Variants in SMPD4 observed in about 807,000 individuals in gnomAD.
The protein encoded by SMPD4 is neutral sphingomyelinase 3.
SMPD4 carries 58 observed loss-of-function variants against 97.8 expected under a neutral mutation model. The observed-to-expected ratio is 0.59, with a 90% CI of 0.48 to 0.74. SMPD4 has a LOEUF of 0.74. Among genes scored for constraint, SMPD4 ranks in the 30% least tolerant of loss-of-function variants. The pLI, the probability that SMPD4 is intolerant of heterozygous loss-of-function variation, is 0.00. For synonymous variants in SMPD4, 388 were observed against 450.0 expected (o/e 0.86, Z 1.74); for missense variants, 853 against 1,080.5 (o/e 0.79, Z 2.95).
At chr2:130,156,371 C>A in intron 13 of SMPD4, 1 of 662,618 alleles carries the variant, frequency 1.5e-6, no homozygotes, top group Non-Finnish European at 2.6e-6. Flanking sequence ...AGGGTAGGAA[C>A]CTGCCCTGCA....
rs556164642 is a variant in SMPD4 at position 130,161,441 on chromosome 2, G to A, written c.865-169C>T. Among the ~76,000 whole-genome samples the A allele has an allele frequency of 6.6e-5, 10 of 152,274 alleles. No individual in the cohort carries two copies. In the East Asian group the frequency reaches 7.7e-4, roughly 12 times the overall value. ...GGAGAAAAAAACAAAAACAAAGCAC[G>A]GTCAGTGACAATCCAAACAATTGCA... On this transcript the variant is annotated intron_variant, in intron 10 of 19. Coordinates refer to ENST00000680298, the MANE Select transcript of SMPD4 (RefSeq NM_017951.5).
intron 11 of SMPD4, 45 bp from the exon 12 acceptor site, chr2:130,157,441 C>A: frequency 3.7e-6 from 6 of 1,609,580 alleles, no homozygotes; most frequent in Non-Finnish European, 5.1e-6. Flanking sequence ...GAGCGTGGCA[C>A]CCATAGCACT....
intron 1 of SMPD4, 171 bp downstream of exon 1, chr2:130,181,359 G>C: frequency 6.9e-7 from 1 of 1,441,032 alleles, no homozygotes; most frequent in Non-Finnish European, 9.1e-7. Flanking sequence ...CCAGAGGGGT[G>C]GCAGAAGACT....
In SMPD4 at chr2:130,155,099, T is replaced by G. The variant is rs1188614855; in HGVS notation, c.1450A>C (p.Lys484Gln). 1.2e-6 allele frequency: 2 copies of G among 1,614,010 alleles called. No individual in the cohort carries two copies. The highest frequency in any genetic ancestry group is 1.7e-6 in the Non-Finnish European group (2 of 1,180,036). The change falls in exon 15 of 20, where the codon AAA (lysine) becomes CAA (glutamine). Residue 484 changes from lysine (K) to glutamine (Q), a missense_variant. Physicochemically the swap from Lys to Gln is moderately conservative, Grantham distance 53. Coordinates refer to ENST00000680298, the MANE Select transcript of SMPD4 (RefSeq NM_017951.5). ...CTGGCCCAGGCTGAGGACTTACCTT[T>G]CTGAATCATCTCAGCCAGGTTGGGC... ...AQPNLAEMIQKGEQLFLEPEL... is the reference protein window; with the variant it reads ...AQPNLAEMIQQGEQLFLEPEL...
intron 8 of SMPD4, 113 bp from the exon 9 acceptor site, chr2:130,167,703 C>T: frequency 1.7e-6 from 2 of 1,197,560 alleles, no homozygotes; most frequent in Non-Finnish European, 2.3e-6. Flanking sequence ...CAGATTACAA[C>T]TTGTTCAATA....
chr2:130,157,238 A>G lies in SMPD4; in HGVS notation c.1097+13T>C. ...GGAGACGGCAGTGGTGGGAAGCCGC[A>G]AGGGCCACCCACCGTTTGAACTCCT... is the stretch of plus-strand genomic sequence containing the variant. On this transcript the variant is annotated intron_variant, in intron 12 of 19. Coordinates refer to ENST00000680298, the MANE Select transcript of SMPD4 (RefSeq NM_017951.5). 3.2e-6 allele frequency: 5 copies of G among 1,547,806 alleles called. No homozygotes were observed. Among genetic ancestry groups the G allele is most frequent in the Non-Finnish European group, 4.4e-6 (5 of 1,145,062 alleles).
rs1686484692 is a variant in SMPD4, at chr2:130,153,884, T to C, written c.1711A>G (p.Ile571Val). 2 of 1,613,820 alleles carry C rather than the reference T, an allele frequency of 1.2e-6. No individual in the cohort carries two copies. The highest frequency in any genetic ancestry group is 1.7e-6 in the Non-Finnish European group (2 of 1,179,862). Residue 571 changes from isoleucine (I) to valine (V), a missense_variant, in exon 17 of 20, where the codon ATC (isoleucine) becomes GTC (valine). Coordinates refer to ENST00000680298, the MANE Select transcript of SMPD4 (RefSeq NM_017951.5). Reference protein sequence around the residue: ...ITQAKHTAKSISDQCAESPAG... With the variant: ...ITQAKHTAKSVSDQCAESPAG... ...GGGCTCTCCGCACACTGGTCGGAGA[T>C]GGACTTGGCTGTGTGTTTGGCCTGT...
Position 130,156,636 on chromosome 2 carries a change from G to C in SMPD4, c.1137C>G (p.Leu379=), listed in dbSNP as rs746530060. ...VPRFVQQKLY[L]FLQHCFGHWP... ...AGTGGCCAAAGCAATGCTGCAAGAA[G>C]AGGTAGAGTTTCTGCTGGACGAACC... The change falls in exon 13 of 20, where the codon CTC becomes CTG. Residue 379 remains leucine, a synonymous_variant. Coordinates refer to ENST00000680298, the MANE Select transcript of SMPD4 (RefSeq NM_017951.5). 3 of 1,613,974 alleles carry C rather than the reference G, an allele frequency of 1.9e-6. No homozygotes were observed. In the East Asian group the frequency reaches 6.7e-5, roughly 36 times the overall value.
chr2:130,166,427 C>CGGTCCACA (rs1261866998), intron 9 of SMPD4, among the ~76,000 whole-genome samples: 1 of 151,970 alleles, frequency 6.6e-6, no homozygotes, highest in Non-Finnish European at 1.5e-5. Context: ...GCACAGCCTA[C>CGGTCCACA]GGTCCACACA....
At chr2:130,162,658 G>C (rs1480645141) in intron 10 of SMPD4, among the ~76,000 whole-genome samples, 1 of 152,226 alleles carries the variant, frequency 6.6e-6, no homozygotes, top group Non-Finnish European at 1.5e-5. Flanking sequence ...CTCACTTCCT[G>C]CATCTGAAAA....
chr2:130,173,681 CG>C (rs1688695992), intron 3 of SMPD4, 25 bp from the exon 4 acceptor site: 1 of 1,613,470 alleles, frequency 6.2e-7, no homozygotes, highest in East Asian at 2.2e-5. Context: ...GGTGAAGCCG[CG>C]TGCAGGACCA....
rs777309573 is a variant in SMPD4, at chr2:130,173,369, G to C, written c.270-15C>G. The C allele has an allele frequency of 5.6e-6, 9 of 1,610,356 alleles. No homozygotes were observed. Among genetic ancestry groups the C allele is most frequent in the Non-Finnish European group, 7.6e-6 (9 of 1,178,760 alleles). The stretch of plus-strand genomic sequence containing the variant: ...TCATTGGGCCACTGAACACGAAATT[G>C]AACAAACAAACAAAAACAGGGCAAA... On this transcript the variant is annotated splice_polypyrimidine_tract_variant and intron_variant, in intron 4 of 19. Transcript: ENST00000680298.
intron 2 of SMPD4, among the ~76,000 whole-genome samples, chr2:130,176,050 T>C (rs2104915954): frequency 6.6e-6 from 1 of 152,126 alleles, no homozygotes; most frequent in South Asian, 2.1e-4. Flanking sequence ...CTCAAACTCT[T>C]GGGCTCAAGT....
chr2:130,153,987 C>G (rs1686497938), intron 16 of SMPD4, 52 bp from the exon 17 acceptor site: 1 of 1,538,558 alleles, frequency 6.5e-7, no homozygotes, highest in East Asian at 2.4e-5. Flanking sequence ...GTGCTGCCAC[C>G]CAGGCAGCCC....
chr2:130,168,698 G>A (rs985400514), intron 8 of SMPD4, among the ~76,000 whole-genome samples: 1 of 149,876 alleles, frequency 6.7e-6, no homozygotes, highest in African/African-American at 2.5e-5. Flanking sequence ...GTCATGCTAT[G>A]TTGCCCAGGC....
In SMPD4 at chr2:130,178,229, T is replaced by C. The variant is rs374430873; in HGVS notation, c.-45-1592A>G. 2.0e-5 allele frequency among the ~76,000 whole-genome samples: 3 copies of C among 152,246 alleles called. No homozygotes were observed. In the East Asian group the frequency reaches 5.8e-4, roughly 29 times the overall value. ...CCGGTTTAAGCTGCTAAGTTTGTCA[T>C]ACAAGAATAGAAAAACCAACCTCAC... On this transcript the variant is annotated intron_variant, in intron 1 of 19. Coordinates refer to ENST00000680298, the MANE Select transcript of SMPD4 (RefSeq NM_017951.5).
At chr2:130,153,645 T>G in intron 17 of SMPD4, 57 bp downstream of exon 17, 1 of 1,580,090 alleles carries the variant, frequency 6.3e-7, no homozygotes, top group South Asian at 1.1e-5. Context: ...CTGGGTGGAG[T>G]GGATCCTTCA....
chr2:130,152,932 G>A, intron 19 of SMPD4, 48 bp from the exon 20 acceptor site: 1 of 1,559,356 alleles, frequency 6.4e-7, no homozygotes, highest in Non-Finnish European at 8.7e-7. Context: ...GGCACCACAG[G>A]CCTCAGGACA....
chr2:130,172,583 C>A (rs553487756), intron 7 of SMPD4, 42 bp downstream of exon 7: 58 of 1,613,836 alleles, frequency 3.6e-5, no homozygotes, highest in South Asian at 1.8e-4. Context: ...AAGCCCTGGG[C>A]CGTGGCCCCA....
Sources: allele counts gnomAD v4.1 joint callset (sites outside exome capture counted in the v4.1 genomes callset), GRCh38; gene constraint gnomAD v4.1.1; transcripts MANE v1.5; gene names NCBI Gene and HGNC (gene_info 2026-07-23, HGNC 2026-07-21).